The following DPP10 variants were observed in gnomAD, a reference collection of about 807,000 sequenced individuals.
DPP10 encodes dipeptidyl peptidase like 10, also known as inactive dipeptidyl peptidase 10.
DPP10 carries 33 observed loss-of-function variants against 120.9 expected under a neutral mutation model. The ratio of observed to expected loss-of-function variants is 0.27; its 90% CI spans 0.21 to 0.37. The LOEUF (loss-of-function observed/expected upper bound fraction) is 0.37. Among genes scored for constraint, DPP10 ranks in the 10% least tolerant of loss-of-function variants. The pLI, the probability that DPP10 is intolerant of heterozygous loss-of-function variation, is 1.00. For synonymous variants in DPP10, 337 were observed against 326.1 expected, an observed-to-expected ratio of 1.03 and a Z score of -0.36; for missense variants, 816 against 942.8, an observed-to-expected ratio of 0.87 and a Z score of 1.76.
intron 1 of DPP10, among the ~76,000 whole-genome samples, chr2:114,592,022 G>C (rs1376191929): frequency 6.6e-6 from 1 of 152,018 alleles, no homozygotes; most frequent in Non-Finnish European, 1.5e-5. Flanking sequence ...AGTGATGCAT[G>C]CAGACAGTGT....
At chr2:115,468,800 G>C in intron 3 of DPP10, 1 of 459,890 alleles carries the variant, frequency 2.2e-6, no homozygotes, top group Non-Finnish European at 4.3e-6. Flanking sequence ...CTGGTCTCAA[G>C]GTGTGCAGGT....
chr2:115,044,176 G>A (rs953764945), intron 1 of DPP10, among the ~76,000 whole-genome samples: 1 of 152,014 alleles, frequency 6.6e-6, no homozygotes, highest in Non-Finnish European at 1.5e-5. Context: ...ATAAATAAAA[G>A]AGCTGTAATT....
Position 114,491,606 on chromosome 2 carries a change from A to G in DPP10, c.60+48768A>G, listed in dbSNP as rs181196757. On this transcript the variant is annotated intron_variant, in intron 1 of 25. Transcript: ENST00000410059. ...ACACTAGCAGAAGTGGTTCATTTCC[A>G]CTGGAAACTTACCAGAGGCATTCTC... 2.2e-3 allele frequency among the ~76,000 whole-genome samples: 333 copies of G among 152,248 alleles called. 6 individuals are homozygous for G. The highest frequency in any genetic ancestry group is 0.014 in the Middle Eastern group (4 of 294).
intron 1 of DPP10, among the ~76,000 whole-genome samples, chr2:115,226,937 T>TAAAAC (rs964260238): frequency 6.6e-6 from 1 of 152,102 alleles, no homozygotes; most frequent in Non-Finnish European, 1.5e-5. Flanking sequence ...AGATTTCAAG[T>TAAAAC]AAAACAAAAC....
intron 21 of DPP10, among the ~76,000 whole-genome samples, chr2:115,832,538 A>G (rs190067627): frequency 2.4e-4 from 36 of 152,318 alleles, no homozygotes; most frequent in African/African-American, 7.9e-4. Flanking sequence ...TTTGTTTAAA[A>G]ATCAATTAAA....
chr2:115,130,501 T>TATCC (rs56314226), intron 1 of DPP10, among the ~76,000 whole-genome samples: 11,966 of 144,876 alleles, frequency 0.083, 727 homozygotes, highest in African/African-American at 0.18. Context: ...TCCATCCATC[T>TATCC]ATCCATCCAT....
At chr2:115,664,316 C>T (rs903766084) in intron 5 of DPP10, among the ~76,000 whole-genome samples, 1 of 151,836 alleles carries the variant, frequency 6.6e-6, no homozygotes, top group Non-Finnish European at 1.5e-5. Flanking sequence ...AAAATACTAT[C>T]AAATATTGAT....
chr2:115,126,849 G>A (rs181020680), intron 1 of DPP10, among the ~76,000 whole-genome samples: 196 of 152,274 alleles, frequency 1.3e-3, no homozygotes, highest in Non-Finnish European at 2.4e-3. Flanking sequence ...TGAGTAGGGG[G>A]TTCTTGAAAA....
chr2:115,183,540 A>G (rs1310821834), intron 1 of DPP10, among the ~76,000 whole-genome samples: 2 of 152,338 alleles, frequency 1.3e-5, no homozygotes, highest in African/African-American at 2.4e-5. Flanking sequence ...TTCAAAAAAT[A>G]TGTGTGAATT....
chr2:115,655,915 G>A (rs2088274256), intron 5 of DPP10, among the ~76,000 whole-genome samples: 1 of 151,550 alleles, frequency 6.6e-6, no homozygotes, highest in African/African-American at 2.4e-5. Context: ...ATGGGAAATA[G>A]TCAAACTCAT....
At chr2:114,462,257 T>A (rs1678986568) in intron 1 of DPP10, 2 of 496,234 alleles carry the variant, frequency 4.0e-6, no homozygotes, top group Non-Finnish European at 2.6e-6. Context: ...TATTTTACAC[T>A]ACTATAGTAC....
chr2:115,633,471 A>G (rs1301707636), intron 5 of DPP10, among the ~76,000 whole-genome samples: 2 of 152,148 alleles, frequency 1.3e-5, no homozygotes, highest in East Asian at 3.8e-4. Flanking sequence ...TAGGAGATAT[A>G]CCTAATGTAA....
At chr2:115,325,303 C>G (rs562771090) in intron 2 of DPP10, among the ~76,000 whole-genome samples, 1 of 151,996 alleles carries the variant, frequency 6.6e-6, no homozygotes, top group South Asian at 2.1e-4. Context: ...TCCACTCTTG[C>G]AATAAAAATG....
intron 1 of DPP10, among the ~76,000 whole-genome samples, chr2:114,663,258 A>C (rs993015500): frequency 1.2e-4 from 17 of 147,650 alleles, no homozygotes; most frequent in African/African-American, 4.0e-4. Flanking sequence ...ATATATATAT[A>C]TCTATATATA....
At chr2:115,563,697 A>C (rs1199554212) in intron 5 of DPP10, among the ~76,000 whole-genome samples, 1 of 152,216 alleles carries the variant, frequency 6.6e-6, no homozygotes, top group Non-Finnish European at 1.5e-5. Flanking sequence ...TCGTAAGGAA[A>C]TATTTCTGAG....
chr2:115,714,830 C>T (rs958874950), intron 7 of DPP10, among the ~76,000 whole-genome samples: 2 of 152,088 alleles, frequency 1.3e-5, no homozygotes, highest in Non-Finnish European at 2.9e-5. Context: ...GAGTTCAAGA[C>T]GAGCCTGGCC....
At chr2:114,998,748 A>T (rs1419253919) in intron 1 of DPP10, among the ~76,000 whole-genome samples, 1 of 152,170 alleles carries the variant, frequency 6.6e-6, no homozygotes, top group African/African-American at 2.4e-5. Flanking sequence ...GGTCTGGAGG[A>T]GAAGGAGCAG....
In DPP10 at chr2:114,757,803, G is replaced by A. The variant is rs115296741; in HGVS notation, c.60+314965G>A. Among the ~76,000 whole-genome samples, 601 of 152,210 alleles carry A rather than the reference G, an allele frequency of 3.9e-3. 4 individuals are homozygous for A. Among genetic ancestry groups the A allele is most frequent in the African/African-American group, 0.014 (578 of 41,534 alleles). Reference sequence around the variant, plus strand: ...ATTCTGATTTTGCAAGCGTTTCCACGTGTTTCCGATGTGTCCTCAAGCTTG... The same window carrying A: ...ATTCTGATTTTGCAAGCGTTTCCACATGTTTCCGATGTGTCCTCAAGCTTG... On this transcript the variant is annotated intron_variant, in intron 1 of 25. Transcript: ENST00000410059.
intron 1 of DPP10, among the ~76,000 whole-genome samples, chr2:114,871,310 G>T (rs1041573861): frequency 6.6e-6 from 1 of 152,062 alleles, no homozygotes; most frequent in African/African-American, 2.4e-5. Context: ...AGAAAATCAA[G>T]AATTTTTTAA....
Sources: gnomAD v4.1 joint callset for allele counts (sites outside exome capture counted in the v4.1 genomes callset) on GRCh38, gnomAD v4.1.1 for gene constraint, MANE v1.5 for transcripts, NCBI Gene and HGNC (gene_info 2026-07-23, HGNC 2026-07-21) for gene names.